PHACTR1: variants seen among roughly 807,000 people sequenced by gnomAD.
The protein encoded by PHACTR1 is phosphatase and actin regulator 1.
In PHACTR1, 16 loss-of-function variants were observed where a neutral mutation model predicts 69.2. The observed-to-expected ratio is 0.23, with a 90% CI of 0.16 to 0.35. The LOEUF (loss-of-function observed/expected upper bound fraction) is 0.35, where lower values mean the gene tolerates loss of function less well. PHACTR1 is among the 10% of genes least tolerant of loss of function. PHACTR1 has a pLI of 1.00. For missense variants in PHACTR1, 510 were observed against 734.7 expected (o/e 0.69, Z 3.54); for synonymous variants, 312 against 284.5 (o/e 1.10, Z -0.97).
intron 4 of PHACTR1, among the ~76,000 whole-genome samples, chr6:12,888,218 T>A (rs1016685404): frequency 6.6e-6 from 1 of 151,976 alleles, no homozygotes; most frequent in Non-Finnish European, 1.5e-5. Flanking sequence ...TTTTGCCACA[T>A]GGGGATACAG....
chr6:12,933,658 T>A, intron 4 of PHACTR1: 1 of 1,612,774 alleles, frequency 6.2e-7, no homozygotes, highest in East Asian at 2.2e-5. Context: ...GGGATATGGA[T>A]GAAGCAAGAA....
intron 4 of PHACTR1, among the ~76,000 whole-genome samples, chr6:12,787,884 C>T (rs775891430): frequency 6.6e-6 from 1 of 152,146 alleles, no homozygotes; most frequent in African/African-American, 2.4e-5. Flanking sequence ...AGGCCAGGCA[C>T]GGTGGCTCAT....
intron 4 of PHACTR1, among the ~76,000 whole-genome samples, chr6:12,852,952 G>T (rs1444645437): frequency 2.6e-5 from 4 of 152,080 alleles, no homozygotes. Context: ...TCCTTTATCA[G>T]CACTGGGTAT....
chr6:12,986,126 G>A (rs528955378), intron 4 of PHACTR1, among the ~76,000 whole-genome samples: 1 of 152,138 alleles, frequency 6.6e-6, no homozygotes, highest in Non-Finnish European at 1.5e-5. Flanking sequence ...ATGAGCCACC[G>A]CGCCTGGGCT....
At chr6:13,238,040 C>T (rs1000297099) in intron 10 of PHACTR1, among the ~76,000 whole-genome samples, 1 of 151,460 alleles carries the variant, frequency 6.6e-6, no homozygotes, top group Non-Finnish European at 1.5e-5. Flanking sequence ...TAAAAATGAG[C>T]ACTTGCTCCA....
At chr6:12,863,160 A>G (rs1411644309) in intron 4 of PHACTR1, among the ~76,000 whole-genome samples, 1 of 152,244 alleles carries the variant, frequency 6.6e-6, no homozygotes, top group Non-Finnish European at 1.5e-5. Context: ...TTTACTGTAT[A>G]GATTAGTCTG....
At chr6:13,223,465 C>G (rs1211355071) in intron 8 of PHACTR1, among the ~76,000 whole-genome samples, 1 of 152,134 alleles carries the variant, frequency 6.6e-6, no homozygotes. Context: ...GGGTAGAATA[C>G]TATTACCTAC....
In PHACTR1 at chr6:13,206,051, G is replaced by A. The variant is rs763737701; in HGVS notation, c.901G>A (p.Gly301Ser). The A allele has an allele frequency of 8.1e-6, 13 of 1,613,630 alleles. No homozygotes were observed. Among genetic ancestry groups the A allele is most frequent in the East Asian group, 2.2e-5 (1 of 44,890 alleles). ...SHGQHLPSTT[G>S]SLPMHPSGCR... ...CGGCCAGCACCTCCCCTCCACCACCGGCTCCCTCCCCATGCACCCCTCGGG... is the reference window on the plus strand; with the variant it reads ...CGGCCAGCACCTCCCCTCCACCACCAGCTCCCTCCCCATGCACCCCTCGGG... The change falls in exon 8 of 15, where the codon GGC (glycine) becomes AGC (serine). Residue 301 changes from glycine to serine, a missense_variant. Gly to Ser is a moderately conservative substitution (Grantham distance 56, BLOSUM62 0). Coordinates refer to ENST00000332995, the MANE Select transcript of PHACTR1 (RefSeq NM_030948.6).
intron 4 of PHACTR1, among the ~76,000 whole-genome samples, chr6:13,005,262 T>C (rs1440480922): frequency 2.0e-5 from 3 of 151,856 alleles, no homozygotes; most frequent in African/African-American, 7.3e-5. Flanking sequence ...TATCTCTCTA[T>C]GGAGTATGGA....
At chr6:12,755,922 A>C (rs1486996064) in intron 4 of PHACTR1, among the ~76,000 whole-genome samples, 1 of 152,208 alleles carries the variant, frequency 6.6e-6, no homozygotes, top group East Asian at 1.9e-4. Context: ...GAATTCACAG[A>C]AAGAAGGATC....
intron 4 of PHACTR1, among the ~76,000 whole-genome samples, chr6:12,905,401 C>G (rs565561312): frequency 9.9e-5 from 15 of 152,272 alleles, no homozygotes; most frequent in African/African-American, 3.6e-4. Context: ...CTGCCTGTTC[C>G]CATACTATGT....
chr6:12,943,335 T>C (rs1790249397), intron 4 of PHACTR1, among the ~76,000 whole-genome samples: 1 of 152,186 alleles, frequency 6.6e-6, no homozygotes, highest in Non-Finnish European at 1.5e-5. Flanking sequence ...GCAGGTTGGT[T>C]TTACCAGGGG....
intron 10 of PHACTR1, among the ~76,000 whole-genome samples, chr6:13,264,667 C>T (rs745948446): frequency 2.3e-4 from 35 of 152,058 alleles, no homozygotes; most frequent in Non-Finnish European, 1.9e-4. Flanking sequence ...TGCAGTGAGC[C>T]GAGTTTGCAC....
intron 4 of PHACTR1, among the ~76,000 whole-genome samples, chr6:12,792,944 A>G (rs1431051583): frequency 2.0e-5 from 3 of 150,576 alleles, no homozygotes; most frequent in Non-Finnish European, 2.9e-5. Flanking sequence ...CCTCCTAGTC[A>G]GAGACATTGC....
intron 4 of PHACTR1, among the ~76,000 whole-genome samples, chr6:12,981,000 C>T (rs1043392328): frequency 6.6e-6 from 1 of 152,232 alleles, no homozygotes; most frequent in Non-Finnish European, 1.5e-5. Flanking sequence ...TTGACATAAA[C>T]CTGGTCAGCT....
chr6:12,964,843 A>G (rs961091421), intron 4 of PHACTR1, among the ~76,000 whole-genome samples: 13 of 152,334 alleles, frequency 8.5e-5, no homozygotes, highest in Middle Eastern at 3.4e-3. Flanking sequence ...GCAAGCCTGC[A>G]TGGTAGGTAC....
At chr6:12,950,075 T>C (rs180791135) in intron 4 of PHACTR1, among the ~76,000 whole-genome samples, 75 of 152,370 alleles carry the variant, frequency 4.9e-4, no homozygotes, top group Admixed American at 4.2e-3. Context: ...AATAATCATT[T>C]TGATAATTTC....
At chr6:12,913,886 C>T (rs1786676814) in intron 4 of PHACTR1, among the ~76,000 whole-genome samples, 1 of 152,232 alleles carries the variant, frequency 6.6e-6, no homozygotes, top group Non-Finnish European at 1.5e-5. Context: ...GATGTTGTTT[C>T]TGGGAACAAC....
At chr6:13,207,298 G>A (rs566708725) in intron 8 of PHACTR1, among the ~76,000 whole-genome samples, 23 of 152,298 alleles carry the variant, frequency 1.5e-4, no homozygotes, top group East Asian at 1.3e-3. Flanking sequence ...GGACTGGCAG[G>A]TGTTGGAGGG....
Sources: gnomAD v4.1 joint callset for allele counts (sites outside exome capture counted in the v4.1 genomes callset) on GRCh38, gnomAD v4.1.1 for gene constraint, MANE v1.5 for transcripts, NCBI Gene and HGNC (gene_info 2026-07-23, HGNC 2026-07-21) for gene names.